CD82: variants seen among roughly 807,000 people sequenced by gnomAD.
The protein encoded by CD82 is CD82 molecule.
CD82 carries 36 observed loss-of-function variants against 37.4 expected under a neutral mutation model. The observed-to-expected ratio is 0.96, with a 90% CI of 0.74 to 1.27. The LOEUF (loss-of-function observed/expected upper bound fraction) is 1.27. Ranked by LOEUF, CD82 falls within the 50% of genes most tolerant of loss-of-function variation. The probability of loss-of-function intolerance (pLI) is 0.00; values close to 1 mark genes in which losing one functional copy is unlikely to be tolerated. For missense variants in CD82, 340 were observed against 347.0 expected (o/e 0.98, Z 0.16); for synonymous variants, 158 against 137.4 (o/e 1.15, Z -1.05).
At chr11:44,564,420 G>C, upstream of CD82, 1 of 455,730 alleles carries the variant, frequency 2.2e-6, no homozygotes, top group South Asian at 1.5e-5. Flanking sequence ...TCCCACAACG[G>C]TGTGTTGTGA....
chr11:44,605,190 C>A lies in CD82; in HGVS notation c.261+8C>A. On this transcript the variant is annotated splice_region_variant and intron_variant, in intron 5 of 9. Coordinates refer to ENST00000227155, the MANE Select transcript of CD82 (RefSeq NM_002231.4). ...CGCTGCCTGCTGGGGCTGGTGAGTA[C>A]GGATCCCTCCGCAGCTGCCTGCCCA... 6.2e-7 allele frequency: 1 copy of A among 1,612,528 alleles called. No homozygotes were observed. Among genetic ancestry groups the A allele is most frequent in the Non-Finnish European group, 8.5e-7 (1 of 1,179,156 alleles).
chr11:44,596,392 C>T (rs1404345112), intron 3 of CD82, among the ~76,000 whole-genome samples: 1 of 152,242 alleles, frequency 6.6e-6, no homozygotes, highest in Non-Finnish European at 1.5e-5. Context: ...GAGAGAGGAG[C>T]CTGGGCTCTG....
At chr11:44,589,240 A>T (rs1467058442) in intron 2 of CD82, among the ~76,000 whole-genome samples, 1 of 152,220 alleles carries the variant, frequency 6.6e-6, no homozygotes, top group Non-Finnish European at 1.5e-5. Flanking sequence ...TGGGTGACAG[A>T]GCAAGAGCAA....
At chr11:44,607,944 T>C (rs1853422262) in intron 6 of CD82, 1 of 152,228 alleles carries the variant, frequency 6.6e-6, no homozygotes, top group Non-Finnish European at 1.5e-5. Flanking sequence ...CTCTGTGCAT[T>C]GCACCCCCTG....
Position 44,618,212 on chromosome 11 carries a change from G to T in CD82, c.489G>T (p.Glu163Asp). 1 of 1,614,124 alleles carries T rather than the reference G, an allele frequency of 6.2e-7. No homozygotes were observed. The highest frequency in any genetic ancestry group is 8.5e-7 in the Non-Finnish European group (1 of 1,180,050). The change falls in exon 8 of 10, where the codon GAG becomes GAT. Residue 163 changes from glutamate (E) to aspartate (D), a missense_variant. Glu to Asp is a conservative substitution (Grantham distance 45, BLOSUM62 2). Transcript: ENST00000227155. ...TCTACAACTGGACAGACAACGCTGA[G>T]CTCATGAATCGCCCTGAGGTCACCT... ...VSFYNWTDNA[E>D]LMNRPEVTYP... is the part of the protein sequence containing the mutation.
chr11:44,600,742 T>C (rs1475702048), intron 4 of CD82, among the ~76,000 whole-genome samples: 1 of 152,172 alleles, frequency 6.6e-6, no homozygotes, highest in Non-Finnish European at 1.5e-5. Context: ...AGGCTCCTCA[T>C]GTGCCAGGCA....
chr11:44,569,528 C>T (rs1201064897), intron 1 of CD82, among the ~76,000 whole-genome samples: 1 of 152,040 alleles, frequency 6.6e-6, no homozygotes, highest in African/African-American at 2.4e-5. Flanking sequence ...TTGCTGATGC[C>T]CCATTCTTTC....
At chr11:44,618,525 A>G in intron 8 of CD82, 115 bp from the exon 9 acceptor site, 1 of 1,083,798 alleles carries the variant, frequency 9.2e-7, no homozygotes. Flanking sequence ...TTCAAGGAAC[A>G]GGCAGAGCCC....
chr11:44,602,123 G>A (rs759101962), intron 4 of CD82, among the ~76,000 whole-genome samples: 30 of 152,196 alleles, frequency 2.0e-4, no homozygotes, highest in Non-Finnish European at 2.4e-4. Context: ...GGCTGCAGAT[G>A]AGGTAGCCTA....
intron 1 of CD82, among the ~76,000 whole-genome samples, chr11:44,574,019 A>T (rs1290979752): frequency 6.6e-6 from 1 of 152,112 alleles, no homozygotes; most frequent in Non-Finnish European, 1.5e-5. Context: ...AATGATAGGG[A>T]GTCTTCCTGT....
At chr11:44,583,393 A>G (rs998124233) in intron 1 of CD82, among the ~76,000 whole-genome samples, 2 of 152,040 alleles carry the variant, frequency 1.3e-5, no homozygotes, top group Non-Finnish European at 2.9e-5. Flanking sequence ...TCAAAGCAAA[A>G]CCTCCTGAGA....
intron 1 of CD82, among the ~76,000 whole-genome samples, chr11:44,570,265 C>T (rs1852795570): frequency 6.6e-6 from 1 of 152,072 alleles, no homozygotes. Flanking sequence ...CATTGCCCTT[C>T]ACCTTCTCCT....
Position 44,619,208 on chromosome 11 carries a change from G to A in CD82, c.*82G>A. The A allele has an allele frequency of 5.4e-6, 6 of 1,110,488 alleles. No homozygotes were observed. The highest frequency in any genetic ancestry group is 1.2e-5 in the South Asian group (1 of 80,948). The allele number at this position is 1,110,488 out of a possible 1,614,324, so 68.8% of individuals were successfully genotyped here. On this transcript the variant is annotated 3_prime_UTR_variant, in exon 10 of 10. Coordinates refer to ENST00000227155, the MANE Select transcript of CD82 (RefSeq NM_002231.4). ...CTCCCTGGCTCCCTCCTCCAGGCCT[G>A]CCTCCCACTTCACTGCGAAGACCCT...
At chr11:44,618,968 C>T (rs1490077520) in intron 9 of CD82, 81 bp from the exon 10 acceptor site, 1 of 1,221,336 alleles carries the variant, frequency 8.2e-7, no homozygotes, top group Non-Finnish European at 1.2e-6. Context: ...ACTTAATCCC[C>T]ATGTAAACCT....
upstream of CD82, among the ~76,000 whole-genome samples, chr11:44,564,692 C>T (rs917448174): frequency 2.0e-4 from 31 of 152,194 alleles, no homozygotes; most frequent in Admixed American, 1.9e-3. Flanking sequence ...TCAACCCACA[C>T]CTCCTCCCTC....
intron 3 of CD82, among the ~76,000 whole-genome samples, chr11:44,596,583 C>A (rs1322393460): frequency 6.6e-6 from 1 of 152,166 alleles, no homozygotes; most frequent in Non-Finnish European, 1.5e-5. Flanking sequence ...GCTCTCTGGC[C>A]AGGGCTTGGC....
intron 1 of CD82, 113 bp from the exon 2 acceptor site, chr11:44,587,362 C>A (rs574702463): frequency 1.4e-5 from 6 of 443,256 alleles, no homozygotes; most frequent in East Asian, 7.1e-5. Context: ...GCAACCCTGG[C>A]GGGGCCCCGC....
At chr11:44,590,939 G>C (rs1853136929) in intron 2 of CD82, among the ~76,000 whole-genome samples, 2 of 152,236 alleles carry the variant, frequency 1.3e-5, no homozygotes, top group South Asian at 4.1e-4. Context: ...CCTTGCCTGT[G>C]TGGGATTGCC....
intron 1 of CD82, among the ~76,000 whole-genome samples, chr11:44,574,243 G>A (rs1852856544): frequency 6.6e-6 from 1 of 152,198 alleles, no homozygotes. Flanking sequence ...GAGAAGCTCT[G>A]TGGTCCATCC....
Sources: allele counts gnomAD v4.1 joint callset (sites outside exome capture counted in the v4.1 genomes callset), GRCh38; gene constraint gnomAD v4.1.1; transcripts MANE v1.5; gene names NCBI Gene and HGNC (gene_info 2026-07-23, HGNC 2026-07-21).